VRK2: variants seen among roughly 807,000 people sequenced by gnomAD.
VRK2 encodes VRK serine/threonine kinase 2.
In VRK2, 60 loss-of-function variants were observed where a neutral mutation model predicts 57.6. The ratio of observed to expected loss-of-function variants is 1.04; its 90% confidence interval spans 0.85 to 1.29. The LOEUF (loss-of-function observed/expected upper bound fraction) is 1.29, where lower values mean the gene tolerates loss of function less well. Ranked by LOEUF, VRK2 falls within the 50% of genes most tolerant of loss-of-function variation. The pLI is 0.00. For missense variants in VRK2, 705 were observed against 588.1 expected (o/e 1.20, Z -2.06); for synonymous variants, 231 against 199.2 (o/e 1.16, Z -1.35).
At chr2:58,019,160 G>C (rs974269702) in intron 1 of VRK2, among the ~76,000 whole-genome samples, 5 of 152,256 alleles carry the variant, frequency 3.3e-5, no homozygotes, top group Non-Finnish European at 5.9e-5. Flanking sequence ...AAAAATATTT[G>C]TGGAATTAAC....
intron 1 of VRK2, among the ~76,000 whole-genome samples, chr2:57,977,004 G>C (rs1206539633): frequency 6.6e-6 from 1 of 151,846 alleles, no homozygotes; most frequent in Non-Finnish European, 1.5e-5. Flanking sequence ...TGTCAACTTT[G>C]TCAAAGATCA....
intron 1 of VRK2, among the ~76,000 whole-genome samples, chr2:58,025,072 A>G (rs998630098): frequency 1.3e-5 from 2 of 152,086 alleles, no homozygotes; most frequent in African/African-American, 4.8e-5. Flanking sequence ...CTTGTCCTTA[A>G]TCCCATGTTG....
chr2:57,931,523 A>G (rs1390976406), intron 1 of VRK2, among the ~76,000 whole-genome samples: 2 of 152,104 alleles, frequency 1.3e-5, no homozygotes, highest in Non-Finnish European at 2.9e-5. Flanking sequence ...TATTAACCCC[A>G]TATCAGGTAT....
intron 7 of VRK2, among the ~76,000 whole-genome samples, chr2:58,101,442 G>A (rs1673949590): frequency 6.6e-6 from 1 of 151,654 alleles, no homozygotes; most frequent in South Asian, 2.1e-4. Context: ...ATCAGAATGT[G>A]ATTACTACTC....
intron 2 of VRK2, among the ~76,000 whole-genome samples, chr2:58,030,678 A>C (rs1674084622): frequency 6.6e-6 from 1 of 151,966 alleles, no homozygotes; most frequent in African/African-American, 2.4e-5. Context: ...CATAATACCC[A>C]GAGGTGGGTC....
intron 4 of VRK2, 147 bp downstream of exon 4, chr2:58,085,097 A>C: frequency 1.6e-6 from 1 of 643,874 alleles, no homozygotes; most frequent in Admixed American, 3.4e-5. Flanking sequence ...TACAACATAT[A>C]AAAGCAAGAC....
chr2:58,017,470 C>A lies in VRK2; in HGVS notation c.-438-8195C>A, dbSNP rs186187366. Among the ~76,000 whole-genome samples, 11 of 152,294 alleles carry A rather than the reference C, an allele frequency of 7.2e-5. No individual in the cohort carries two copies. In the East Asian group the frequency reaches 2.1e-3, roughly 29 times the overall value. Reference sequence around the variant, plus strand: ...AGTTATTATGGTCCCCAATTTGATCCCATCCGCGCAGATTTTGTAGGGGCA... The same window carrying A: ...AGTTATTATGGTCCCCAATTTGATCACATCCGCGCAGATTTTGTAGGGGCA... On this transcript the variant is annotated intron_variant, in intron 1 of 15. Transcript: ENST00000417641.
intron 1 of VRK2, among the ~76,000 whole-genome samples, chr2:57,926,426 T>C (rs972253391): frequency 9.7e-6 from 1 of 103,578 alleles, no homozygotes; most frequent in Non-Finnish European, 2.0e-5. Flanking sequence ...CACATATATA[T>C]ATACATATAT....
chr2:57,911,412 C>T (rs146692000), intron 1 of VRK2, among the ~76,000 whole-genome samples: 12 of 152,240 alleles, frequency 7.9e-5, no homozygotes, highest in Admixed American at 2.6e-4. Context: ...CTTGAGAAAT[C>T]CCACAATATA....
At chr2:58,084,389 C>T (rs563733447) in intron 3 of VRK2, among the ~76,000 whole-genome samples, 5 of 151,726 alleles carry the variant, frequency 3.3e-5, no homozygotes, top group Non-Finnish European at 7.4e-5. Context: ...CCACCCTCTC[C>T]ACCTCTCTAA....
chr2:58,079,954 T>C (rs1670629485), intron 2 of VRK2, among the ~76,000 whole-genome samples: 2 of 151,994 alleles, frequency 1.3e-5, no homozygotes, highest in South Asian at 2.1e-4. Flanking sequence ...TTTTTTAGTT[T>C]TCTTAAAATC....
At chr2:57,965,309 T>A (rs1671884230) in intron 1 of VRK2, among the ~76,000 whole-genome samples, 1 of 152,162 alleles carries the variant, frequency 6.6e-6, no homozygotes, top group African/African-American at 2.4e-5. Flanking sequence ...CATGGGAAAA[T>A]AGCTAAATCT....
chr2:57,976,354 G>A (rs181963191), intron 1 of VRK2, among the ~76,000 whole-genome samples: 2 of 152,264 alleles, frequency 1.3e-5, no homozygotes, highest in Non-Finnish European at 2.9e-5. Context: ...CACAGCGGCA[G>A]AACTAATTTA....
chr2:58,072,669 T>A (rs1021128510), intron 2 of VRK2, among the ~76,000 whole-genome samples: 5 of 152,070 alleles, frequency 3.3e-5, no homozygotes, highest in African/African-American at 1.2e-4. Flanking sequence ...GCTAATGTTT[T>A]GTTGAGGATT....
intron 2 of VRK2, among the ~76,000 whole-genome samples, chr2:58,074,199 CT>C (rs1392233923): frequency 1.3e-5 from 2 of 152,036 alleles, no homozygotes; most frequent in African/African-American, 4.8e-5. Flanking sequence ...AGTGGGTTTC[CT>C]ATAGACATCA....
rs545925216 is a variant in VRK2 at position 58,158,565 on chromosome 2, A to G, written c.1183-784A>G. Among the ~76,000 whole-genome samples the G allele has an allele frequency of 3.9e-5, 6 of 152,194 alleles. No homozygotes were observed. The East Asian group carries it at 1.2e-3, about 29-fold the overall frequency. ...AGCTTAAAGTATTTTGCTTTGTTTT[A>G]TAAATTTCTTCTCTTCTAAGTTAGT... is the stretch of plus-strand genomic sequence containing the variant. On this transcript the variant is annotated intron_variant, in intron 12 of 12. Coordinates refer to ENST00000340157, the MANE Select transcript of VRK2 (RefSeq NM_006296.7).
At chr2:58,152,660 C>T (rs538146115) in intron 12 of VRK2, among the ~76,000 whole-genome samples, 55 of 151,828 alleles carry the variant, frequency 3.6e-4, no homozygotes, top group African/African-American at 1.2e-3. Flanking sequence ...TCTGTCACCT[C>T]TTGTCTGTCT....
intron 7 of VRK2, among the ~76,000 whole-genome samples, chr2:58,095,673 T>C (rs1673035465): frequency 6.6e-6 from 1 of 152,186 alleles, no homozygotes; most frequent in Non-Finnish European, 1.5e-5. Flanking sequence ...AATGGTTCTT[T>C]AGAGTTTTCT....
At position 58,004,027 on chromosome 2, in the gene VRK2, TCTTTA is replaced by T. The variant is rs541632600; in HGVS notation, c.-438-21632_-438-21628del. 7.3e-4 allele frequency among the ~76,000 whole-genome samples: 111 copies of T among 152,258 alleles called. 1 individual carries two copies. The highest frequency in any genetic ancestry group is 2.5e-3 in the African/African-American group (105 of 41,562). The stretch of plus-strand genomic sequence containing the variant: ...TGCAAATATTAGGAAATGCTTTCTC[TCTTTA>T]CTTTAATTCAAAGATTAATAGTTTT... On this transcript the variant is annotated intron_variant, in intron 1 of 15. Transcript: ENST00000417641.
Sources: gnomAD v4.1 joint callset for allele counts (sites outside exome capture counted in the v4.1 genomes callset) on GRCh38, gnomAD v4.1.1 for gene constraint, MANE v1.5 for transcripts, NCBI Gene and HGNC (gene_info 2026-07-23, HGNC 2026-07-21) for gene names.